TBC1D4: variants seen among roughly 807,000 people sequenced by gnomAD.
The protein encoded by TBC1D4 is TBC1 domain family member 4.
Under a neutral mutation model 142.5 loss-of-function variants are expected in TBC1D4, and 121 were observed. The ratio of observed to expected loss-of-function variants is 0.85; its 90% CI spans 0.73 to 0.99. TBC1D4 has a LOEUF of 0.99. TBC1D4 is among the 50% of genes least tolerant of loss of function. The probability of loss-of-function intolerance (pLI) is 0.00; values close to 1 mark genes in which losing one functional copy is unlikely to be tolerated. For missense variants in TBC1D4, 1,475 were observed against 1,606.6 expected (o/e 0.92, Z 1.40); for synonymous variants, 630 against 628.2 (o/e 1.00, Z -0.04).
chr13:75,355,776 A>C (rs1421450515), intron 4 of TBC1D4, among the ~76,000 whole-genome samples: 1 of 152,260 alleles, frequency 6.6e-6, no homozygotes, highest in East Asian at 1.9e-4. Context: ...TGATATAAGC[A>C]TTATCTACTC....
intron 1 of TBC1D4, among the ~76,000 whole-genome samples, chr13:75,406,668 G>A (rs770972140): frequency 1.3e-5 from 2 of 152,130 alleles, no homozygotes; most frequent in African/African-American, 2.4e-5. Flanking sequence ...AACATTTTAC[G>A]ATTCATGTAA....
chr13:75,478,292 A>G (rs1392866410), intron 1 of TBC1D4, among the ~76,000 whole-genome samples: 1 of 152,184 alleles, frequency 6.6e-6, no homozygotes, highest in Non-Finnish European at 1.5e-5. Context: ...TTTATTACTC[A>G]CAGTGCTTGT....
chr13:75,324,047 A>G lies in TBC1D4; in HGVS notation c.2198+190T>C, dbSNP rs370418392. Among the ~76,000 whole-genome samples, 23 of 152,340 alleles carry G rather than the reference A, an allele frequency of 1.5e-4. No individual in the cohort carries two copies. The East Asian group carries it at 3.7e-3, about 24-fold the overall frequency. On this transcript the variant is annotated intron_variant, in intron 11 of 20. Coordinates refer to ENST00000377636, the MANE Select transcript of TBC1D4 (RefSeq NM_014832.5). Reference sequence around the variant, plus strand: ...TATCATATCATCAAAAAGCTTTGAAACTACTGGTTGAAAAAGTTCTCTTAA... The same window carrying G: ...TATCATATCATCAAAAAGCTTTGAAGCTACTGGTTGAAAAAGTTCTCTTAA...
intron 1 of TBC1D4, among the ~76,000 whole-genome samples, chr13:75,463,955 C>T (rs994912909): frequency 1.3e-5 from 2 of 152,162 alleles, no homozygotes; most frequent in East Asian, 1.9e-4. Flanking sequence ...CTACAAGTAA[C>T]AGAAAAACCA....
chr13:75,409,660 T>C (rs1885508957), intron 1 of TBC1D4, among the ~76,000 whole-genome samples: 1 of 152,238 alleles, frequency 6.6e-6, no homozygotes, highest in African/African-American at 2.4e-5. Flanking sequence ...GAATCTTAAA[T>C]ATAATTTTAA....
intron 11 of TBC1D4, 52 bp from the exon 12 acceptor site, chr13:75,320,089 A>G: frequency 6.2e-7 from 1 of 1,602,778 alleles, no homozygotes; most frequent in African/African-American, 1.3e-5. Flanking sequence ...AATATGTCCA[A>G]ATCAGGATTC....
intron 1 of TBC1D4, among the ~76,000 whole-genome samples, chr13:75,370,608 G>A (rs1883171502): frequency 6.6e-6 from 1 of 152,132 alleles, no homozygotes; most frequent in African/African-American, 2.4e-5. Context: ...ATGACATCAC[G>A]GTTTAGGGCC....
chr13:75,381,998 G>A (rs1351831464), intron 1 of TBC1D4, among the ~76,000 whole-genome samples: 2 of 152,170 alleles, frequency 1.3e-5, no homozygotes, highest in East Asian at 3.8e-4. Context: ...TTGAACACTA[G>A]GAAACCCATT....
chr13:75,310,175 G>C (rs770536782), intron 13 of TBC1D4, 24 bp from the exon 14 acceptor site: 2 of 1,607,298 alleles, frequency 1.2e-6, no homozygotes, highest in Non-Finnish European at 1.7e-6. Context: ...CACAGTGAGA[G>C]GCATTCCTTA....
chr13:75,410,111 T>G (rs921252986), intron 1 of TBC1D4, among the ~76,000 whole-genome samples: 1 of 152,240 alleles, frequency 6.6e-6, no homozygotes, highest in African/African-American at 2.4e-5. Context: ...TTAAATAAGC[T>G]AATGTACGTA....
intron 1 of TBC1D4, among the ~76,000 whole-genome samples, chr13:75,465,545 T>C (rs1888132559): frequency 6.6e-6 from 1 of 152,176 alleles, no homozygotes; most frequent in South Asian, 2.1e-4. Context: ...GGTTCCAGTC[T>C]GGCTTCTCAA....
intron 1 of TBC1D4, among the ~76,000 whole-genome samples, chr13:75,416,038 T>G (rs1182150138): frequency 6.6e-6 from 1 of 152,248 alleles, no homozygotes; most frequent in East Asian, 1.9e-4. Flanking sequence ...AGCACATTAC[T>G]TGTACAAAGC....
intron 1 of TBC1D4, among the ~76,000 whole-genome samples, chr13:75,407,716 T>C (rs1450642731): frequency 1.3e-5 from 2 of 152,080 alleles, no homozygotes; most frequent in Non-Finnish European, 2.9e-5. Flanking sequence ...GCACAGCAGC[T>C]GAAACCACAA....
chr13:75,320,691 C>G (rs1243715177), intron 11 of TBC1D4, among the ~76,000 whole-genome samples: 1 of 151,746 alleles, frequency 6.6e-6, no homozygotes, highest in Non-Finnish European at 1.5e-5. Context: ...AAATGGATGC[C>G]TAATCTGAAT....
At chr13:75,315,623 T>A (rs565054077) in intron 12 of TBC1D4, among the ~76,000 whole-genome samples, 48 of 152,186 alleles carry the variant, frequency 3.2e-4, no homozygotes, top group Non-Finnish European at 5.6e-4. Flanking sequence ...ATAGGTATAT[T>A]TCTAGCTTGT....
intron 1 of TBC1D4, among the ~76,000 whole-genome samples, chr13:75,480,976 T>C (rs1229035042): frequency 6.6e-6 from 1 of 151,972 alleles, no homozygotes; most frequent in Non-Finnish European, 1.5e-5. Flanking sequence ...CCTCCACGCG[T>C]GCTCCTTGGA....
intron 1 of TBC1D4, among the ~76,000 whole-genome samples, chr13:75,385,943 C>A (rs1345308886): frequency 2.0e-5 from 3 of 152,198 alleles, no homozygotes; most frequent in African/African-American, 7.2e-5. Context: ...CACTGCATTT[C>A]TGTGACAGTG....
intron 17 of TBC1D4, among the ~76,000 whole-genome samples, chr13:75,296,848 T>G (rs1416519976): frequency 6.6e-6 from 1 of 152,092 alleles, no homozygotes; most frequent in Non-Finnish European, 1.5e-5. Flanking sequence ...CCCCCACATT[T>G]TACAGATAAG....
rs747009487 is a variant in TBC1D4, at chr13:75,341,240, T to A, written c.1501-5A>T. 2 of 1,612,552 alleles carry A rather than the reference T, an allele frequency of 1.2e-6. No individual in the cohort carries two copies. The highest frequency in any genetic ancestry group is 1.7e-6 in the Non-Finnish European group (2 of 1,178,888). On this transcript the variant is annotated splice_polypyrimidine_tract_variant and splice_region_variant and intron_variant, in intron 6 of 20. Transcript: ENST00000377636. ...GTCACTGACTGGCTTCATTTTCTGTTCAACAGACAAACCAAAAGAACACTA... is the reference window on the plus strand; with the variant it reads ...GTCACTGACTGGCTTCATTTTCTGTACAACAGACAAACCAAAAGAACACTA...
Sources: gnomAD v4.1 joint callset for allele counts (sites outside exome capture counted in the v4.1 genomes callset) on GRCh38, gnomAD v4.1.1 for gene constraint, MANE v1.5 for transcripts, NCBI Gene and HGNC (gene_info 2026-07-23, HGNC 2026-07-21) for gene names.